Variants in LRFN5 observed in about 807,000 individuals in gnomAD.
The protein encoded by LRFN5 is leucine-rich repeat and fibronectin type-III domain-containing protein 5.
A neutral mutation model predicts 45.6 loss-of-function variants in LRFN5; 24 were observed. That is an observed-to-expected ratio of 0.53 (90% CI 0.38 to 0.74). The LOEUF is 0.74. Ranked by LOEUF, LRFN5 falls within the 30% of genes least tolerant of loss-of-function variation. LRFN5 has a pLI of 0.00. For synonymous variants in LRFN5, 340 were observed against 313.8 expected (o/e 1.08, Z -0.88); for missense variants, 776 against 861.5 (o/e 0.90, Z 1.24).
chr14:41,619,533 G>T (rs1888043369), intron 1 of LRFN5, among the ~76,000 whole-genome samples: 1 of 151,698 alleles, frequency 6.6e-6, no homozygotes, highest in African/African-American at 2.4e-5. Flanking sequence ...TTTGTAATTG[G>T]GTTGAAAGCC....
At chr14:41,819,701 A>G (rs1888044894) in intron 2 of LRFN5, among the ~76,000 whole-genome samples, 1 of 152,024 alleles carries the variant, frequency 6.6e-6, no homozygotes, top group African/African-American at 2.4e-5. Context: ...ACACTTTTAA[A>G]CAACCAGATC....
chr14:41,871,125 A>G (rs576745860), intron 2 of LRFN5, among the ~76,000 whole-genome samples: 1 of 152,304 alleles, frequency 6.6e-6, no homozygotes, highest in African/African-American at 2.4e-5. Flanking sequence ...TCTTATTTAA[A>G]AATCATCCAA....
intron 2 of LRFN5, among the ~76,000 whole-genome samples, chr14:41,813,898 T>C (rs1227701727): frequency 6.6e-6 from 1 of 152,094 alleles, no homozygotes; most frequent in Non-Finnish European, 1.5e-5. Flanking sequence ...TGATTTGCAT[T>C]TCTCTAATGA....
intron 1 of LRFN5, among the ~76,000 whole-genome samples, chr14:41,686,862 A>G (rs577852311): frequency 1.3e-5 from 2 of 152,308 alleles, no homozygotes; most frequent in South Asian, 4.1e-4. Flanking sequence ...TCAGTTTGCC[A>G]GTATTTTAGT....
At chr14:41,894,468 T>G (rs1354295217) in intron 4 of LRFN5, 9 of 958,332 alleles carry the variant, frequency 9.4e-6, no homozygotes, top group Non-Finnish European at 1.1e-5. Context: ...CTTGAACACT[T>G]GTTCTTAAAA....
intron 2 of LRFN5, among the ~76,000 whole-genome samples, chr14:41,825,606 G>A (rs551770502): frequency 3.8e-4 from 58 of 152,314 alleles, no homozygotes; most frequent in African/African-American, 1.2e-3. Flanking sequence ...CTTTGTGGCC[G>A]CTGTAGTCTG....
At chr14:41,679,699 G>T (rs1354430160) in intron 1 of LRFN5, among the ~76,000 whole-genome samples, 1 of 152,056 alleles carries the variant, frequency 6.6e-6, no homozygotes, top group Non-Finnish European at 1.5e-5. Flanking sequence ...TGGTAGCTAT[G>T]GAAAGGGACA....
At position 41,752,608 on chromosome 14, in the gene LRFN5, G is replaced by T. The variant is rs541515145; in HGVS notation, c.-196-14246G>T. ...TATCCTTTGCCCACATTTTGATGGG[G>T]TTGTTTGTTTTTTTCTTGTAAATTT... On this transcript the variant is annotated intron_variant, in intron 1 of 5. Coordinates refer to ENST00000298119, the MANE Select transcript of LRFN5 (RefSeq NM_152447.5). Among the ~76,000 whole-genome samples, 4 of 152,240 alleles carry T rather than the reference G, an allele frequency of 2.6e-5. No homozygotes were observed. The South Asian group carries it at 8.3e-4, about 32-fold the overall frequency.
intron 1 of LRFN5, among the ~76,000 whole-genome samples, chr14:41,714,374 G>A (rs1465769851): frequency 2.6e-5 from 4 of 152,016 alleles, no homozygotes; most frequent in African/African-American, 4.8e-5. Context: ...TACCCCCAAA[G>A]CACAAAACAT....
At chr14:41,623,469 T>TA (rs1566592150) in intron 1 of LRFN5, among the ~76,000 whole-genome samples, 1 of 151,966 alleles carries the variant, frequency 6.6e-6, no homozygotes, top group Non-Finnish European at 1.5e-5. Flanking sequence ...TGTGGGGATT[T>TA]AAAAAAAATT....
chr14:41,763,843 G>A (rs566792970), intron 1 of LRFN5, among the ~76,000 whole-genome samples: 1 of 152,264 alleles, frequency 6.6e-6, no homozygotes, highest in African/African-American at 2.4e-5. Flanking sequence ...TTAGCAGCAT[G>A]AGAACAGACT....
chr14:41,781,105 T>G (rs1886465480), intron 2 of LRFN5, among the ~76,000 whole-genome samples: 1 of 152,166 alleles, frequency 6.6e-6, no homozygotes, highest in African/African-American at 2.4e-5. Flanking sequence ...GGGAAAATAT[T>G]TTACCTTTAC....
chr14:41,684,554 A>G (rs1594614179), intron 1 of LRFN5, among the ~76,000 whole-genome samples: 1 of 152,192 alleles, frequency 6.6e-6, no homozygotes, highest in Non-Finnish European at 1.5e-5. Context: ...AGTTACCTCC[A>G]CGTGGTCTCT....
In LRFN5 at chr14:41,891,804, C is replaced by T; in HGVS notation, c.1940C>T (p.Thr647Ile). ...GTGTCCCAAAAGCAGAAAAGAAAGA[C>T]TGGCACAAAGCCAAGTACAGAACCA... ...TSVSQKQKRK[T>I]GTKPSTEPQN... The change falls in exon 4 of 6, where the codon ACT (threonine) becomes ATT (isoleucine). Residue 647 changes from threonine to isoleucine, a missense_variant. Transcript: ENST00000298119. The T allele has an allele frequency of 4.3e-6, 7 of 1,614,182 alleles. No individual in the cohort carries two copies. The highest frequency in any genetic ancestry group is 5.9e-6 in the Non-Finnish European group (7 of 1,180,026).
chr14:41,616,815 T>C (rs1006121174), intron 1 of LRFN5, among the ~76,000 whole-genome samples: 2 of 152,120 alleles, frequency 1.3e-5, no homozygotes, highest in African/African-American at 4.8e-5. Context: ...ATAGTTATTT[T>C]CTTAATGACT....
chr14:41,652,501 G>T (rs1880176283), intron 1 of LRFN5, among the ~76,000 whole-genome samples: 1 of 152,072 alleles, frequency 6.6e-6, no homozygotes, highest in Non-Finnish European at 1.5e-5. Flanking sequence ...AAATAAATGT[G>T]CAAGCCAATC....
chr14:41,784,022 T>C (rs992458572), intron 2 of LRFN5, among the ~76,000 whole-genome samples: 2 of 152,154 alleles, frequency 1.3e-5, no homozygotes, highest in African/African-American at 2.4e-5. Context: ...CCCATGAACA[T>C]TGGCCTATAT....
At chr14:41,892,681 G>A (rs1030902791) in intron 4 of LRFN5, 7 of 985,180 alleles carry the variant, frequency 7.1e-6, no homozygotes, top group Non-Finnish European at 8.4e-6. Context: ...GTTAAAATTA[G>A]TTCACTTCTA....
chr14:41,674,657 C>T (rs1179401014), intron 1 of LRFN5, among the ~76,000 whole-genome samples: 7 of 150,242 alleles, frequency 4.7e-5, no homozygotes, highest in Non-Finnish European at 7.4e-5. Flanking sequence ...GGGGGCTGAT[C>T]CCCCCACCTC....
Sources: gnomAD v4.1 joint callset for allele counts (sites outside exome capture counted in the v4.1 genomes callset) on GRCh38, gnomAD v4.1.1 for gene constraint, MANE v1.5 for transcripts, NCBI Gene and HGNC (gene_info 2026-07-23, HGNC 2026-07-21) for gene names.